TSPO: variants seen among roughly 807,000 people sequenced by gnomAD.
TSPO encodes the protein translocator protein, also known as benzodiazepine peripheral binding site.
A neutral mutation model predicts 13.9 loss-of-function variants in TSPO; 14 were observed. The ratio of observed to expected loss-of-function variants is 1.01; its 90% CI spans 0.67 to 1.58. TSPO has a LOEUF of 1.58. Ranked by LOEUF, TSPO falls within the 40% of genes most tolerant of loss-of-function variation. The pLI is 0.00. For missense variants in TSPO, 232 were observed against 229.6 expected (o/e 1.01, Z -0.07); for synonymous variants, 114 against 105.9 (o/e 1.08, Z -0.47).
intron 1 of TSPO, among the ~76,000 whole-genome samples, 189 bp from the exon 2 acceptor site, chr22:43,159,021 G>A (rs556000404): frequency 1.4e-4 from 22 of 152,226 alleles, no homozygotes; most frequent in Middle Eastern, 6.8e-3. Context: ...GGTGAGGCGA[G>A]GCAGCTGGGG....
chr22:43,152,585 G>A (rs929526090), intron 1 of TSPO, among the ~76,000 whole-genome samples: 1 of 152,264 alleles, frequency 6.6e-6, no homozygotes, highest in Non-Finnish European at 1.5e-5. Flanking sequence ...TTCCACTGGC[G>A]GTGAAAGGGG....
chr22:43,160,973 C>A, intron 2 of TSPO, 79 bp from the exon 3 acceptor site: 1 of 1,520,132 alleles, frequency 6.6e-7, no homozygotes, highest in South Asian at 1.3e-5. Flanking sequence ...ACGTATGAAC[C>A]ATCACTGTGC....
rs1931485242 is a variant in TSPO, at chr22:43,162,799, G to C, written c.322-4G>C. 1 of 1,572,920 alleles carries C rather than the reference G, an allele frequency of 6.4e-7. No homozygotes were observed. The highest frequency in any genetic ancestry group is 1.8e-5 in the Admixed American group (1 of 55,158). On this transcript the variant is annotated splice_polypyrimidine_tract_variant and splice_region_variant and intron_variant, in intron 3 of 3. Coordinates refer to ENST00000337554, the MANE Select transcript of TSPO (RefSeq NM_000714.6). Reference sequence around the variant, plus strand: ...CCCCATCCTCCGTCCCCCAATCTCTGCAGGCCTTGGTGGATCTCCTGCTGG... The same window carrying C: ...CCCCATCCTCCGTCCCCCAATCTCTCCAGGCCTTGGTGGATCTCCTGCTGG...
At chr22:43,159,597 C>T (rs555505493) in intron 2 of TSPO, 177 bp downstream of exon 2, 2 of 619,284 alleles carry the variant, frequency 3.2e-6, no homozygotes, top group Non-Finnish European at 5.0e-6. Flanking sequence ...TGAACTTTCT[C>T]CTCCTGGGCC....
rs9333335 is a variant in TSPO, at chr22:43,159,720, G to A, written c.182+300G>A. ...GTTGGTCTTGGGCAGAGGCATGGAC[G>A]CTAAGATTAACAACGGCAGCAACAG... is the stretch of plus-strand genomic sequence containing the variant. On this transcript the variant is annotated intron_variant, in intron 2 of 3. Coordinates refer to ENST00000337554, the MANE Select transcript of TSPO (RefSeq NM_000714.6). 3.4e-3 allele frequency: 1,156 copies of A among 341,692 alleles called. 12 individuals are homozygous for A. The highest frequency in any genetic ancestry group is 0.022 in the African/African-American group (1,053 of 47,488). 21.2% of individuals were successfully genotyped at this position (341,692 alleles called of 1,614,324 possible).
chr22:43,156,273 T>C (rs2147052487), intron 1 of TSPO, among the ~76,000 whole-genome samples: 1 of 152,298 alleles, frequency 6.6e-6, no homozygotes. Flanking sequence ...GATGGTGGTC[T>C]CTAAGGCCCT....
rs1007380287 is a variant in TSPO, at chr22:43,153,350, T to C, written c.-30+1746T>C. On this transcript the variant is annotated intron_variant, in intron 1 of 3. Transcript: ENST00000337554. ...ATTTGTGTTTTCTTTTTTTTTTTTT[T>C]TTTTTTTTTTTTGAGACGGAGTCTC... 1.1e-4 allele frequency among the ~76,000 whole-genome samples: 3 copies of C among 26,876 alleles called. 1 individual carries two copies. The highest frequency in any genetic ancestry group is 2.8e-4 in the Non-Finnish European group (3 of 10,894). 17.6% of individuals were successfully genotyped at this position (26,876 alleles called of 152,430 possible). A position where few individuals can be genotyped will look rare whatever the true frequency, so the allele number is the denominator to read the frequency against.
In TSPO at chr22:43,162,709, C is replaced by T. The variant is rs935856946; in HGVS notation, c.322-94C>T. On this transcript the variant is annotated intron_variant, in intron 3 of 3. Transcript: ENST00000337554. ...GAGTGGGGGTGAGTGAGGCTCCTGACTCCCAAATCCAGTGGGAGTTGGGCA... is the reference window on the plus strand; with the variant it reads ...GAGTGGGGGTGAGTGAGGCTCCTGATTCCCAAATCCAGTGGGAGTTGGGCA... The T allele has an allele frequency of 3.8e-6, 5 of 1,308,660 alleles. No individual in the cohort carries two copies. In the East Asian group the frequency reaches 1.3e-4, roughly 33 times the overall value. The allele number at this position is 1,308,660 out of a possible 1,614,324, so 81.1% of individuals were successfully genotyped here.
At chr22:43,159,629 C>T (rs2147056499) in intron 2 of TSPO, 1 of 479,110 alleles carries the variant, frequency 2.1e-6, no homozygotes, top group Non-Finnish European at 3.5e-6. Flanking sequence ...GGGTCAGATG[C>T]TCACCCCACC....
chr22:43,161,200 G>C lies in TSPO; in HGVS notation c.321+10G>C, dbSNP rs1569480516. The C allele has an allele frequency of 6.2e-7, 1 of 1,609,474 alleles. No individual in the cohort carries two copies. Among genetic ancestry groups the C allele is most frequent in the Non-Finnish European group, 8.5e-7 (1 of 1,177,142 alleles). On this transcript the variant is annotated intron_variant, in intron 3 of 3. Coordinates refer to ENST00000337554, the MANE Select transcript of TSPO (RefSeq NM_000714.6). The stretch of plus-strand genomic sequence containing the variant: ...CCGACAAATGGGCTGGGTAAGTGTG[G>C]CCACAGCATGTGTCCCTGATCCCTG...
intron 1 of TSPO, among the ~76,000 whole-genome samples, chr22:43,158,916 C>A (rs928103753): frequency 1.1e-4 from 16 of 151,922 alleles, no homozygotes; most frequent in Admixed American, 9.2e-4. Flanking sequence ...GGGAGGCAGG[C>A]TGGGAAGGCT....
At chr22:43,159,490 G>A (rs1291487720) in intron 2 of TSPO, 70 bp downstream of exon 2, 4 of 1,347,728 alleles carry the variant, frequency 3.0e-6, no homozygotes, top group African/African-American at 1.5e-5. Flanking sequence ...CCAGGACAGA[G>A]GGTCTTCTCC....
chr22:43,159,643 G>GCATC, intron 2 of TSPO: 1 of 453,168 alleles, frequency 2.2e-6, no homozygotes, highest in Non-Finnish European at 3.8e-6. Context: ...CCCCACCCTG[G>GCATC]CATCCCCGCC....
intron 1 of TSPO, among the ~76,000 whole-genome samples, chr22:43,158,424 A>G (rs1931323844): frequency 6.6e-6 from 1 of 152,180 alleles, no homozygotes; most frequent in African/African-American, 2.4e-5. Context: ...AGACAAGAGC[A>G]GACGACTCCT....
rs965738132 is a variant in TSPO at position 43,161,113 on chromosome 22, C to T, written c.244C>T (p.Leu82=). ...GGFTEKAVVP[L]GLYTGQLALN... ...CTTCACAGAGAAGGCTGTGGTTCCCCTGGGCCTCTACACTGGGCAGCTGGC... is the reference window on the plus strand; with the variant it reads ...CTTCACAGAGAAGGCTGTGGTTCCCTTGGGCCTCTACACTGGGCAGCTGGC... Residue 82 remains leucine (L), a synonymous_variant, in exon 3 of 4, where the codon CTG becomes TTG. Coordinates refer to ENST00000337554, the MANE Select transcript of TSPO (RefSeq NM_000714.6). 1 of 1,614,066 alleles carries T rather than the reference C, an allele frequency of 6.2e-7. No individual in the cohort carries two copies. Among genetic ancestry groups the T allele is most frequent in the Non-Finnish European group, 8.5e-7 (1 of 1,180,004 alleles).
chr22:43,157,522 G>A (rs1931291584), intron 1 of TSPO, among the ~76,000 whole-genome samples: 1 of 152,164 alleles, frequency 6.6e-6, no homozygotes. Flanking sequence ...TCTGCTGGAT[G>A]CCTGACACTC....
intron 1 of TSPO, among the ~76,000 whole-genome samples, chr22:43,156,476 T>G (rs1356691139): frequency 7.1e-6 from 1 of 141,410 alleles, no homozygotes; most frequent in South Asian, 2.1e-4. Context: ...GTGATTCCAT[T>G]GATACCAAAT....
intron 2 of TSPO, 138 bp from the exon 3 acceptor site, chr22:43,160,914 G>A: frequency 9.4e-7 from 1 of 1,064,504 alleles, no homozygotes; most frequent in Non-Finnish European, 1.3e-6. Context: ...TGAAGGCCCA[G>A]ACAGGTCAAG....
chr22:43,160,047 G>A (rs956489276), intron 2 of TSPO, among the ~76,000 whole-genome samples: 1 of 152,174 alleles, frequency 6.6e-6, no homozygotes. Context: ...CTGTGCCAGC[G>A]CAGTGCAGGG....
Sources: allele counts gnomAD v4.1 joint callset (sites outside exome capture counted in the v4.1 genomes callset), GRCh38; gene constraint gnomAD v4.1.1; transcripts MANE v1.5; gene names NCBI Gene and HGNC (gene_info 2026-07-23, HGNC 2026-07-21).